Variants in NTNG2 observed in about 807,000 individuals in gnomAD.
The protein encoded by NTNG2 is netrin G2.
A neutral mutation model predicts 47.6 loss-of-function variants in NTNG2; 15 were observed. The observed-to-expected ratio is 0.32, with a 90% CI of 0.21 to 0.49. The LOEUF (loss-of-function observed/expected upper bound fraction) is 0.49. Ranked by LOEUF, NTNG2 falls within the 20% of genes least tolerant of loss-of-function variation. NTNG2 has a pLI of 0.99. For synonymous variants in NTNG2, 307 were observed against 324.6 expected (o/e 0.95, Z 0.58); for missense variants, 578 against 764.6 (o/e 0.76, Z 2.88).
intron 3 of NTNG2, among the ~76,000 whole-genome samples, chr9:132,200,135 G>C (rs902674535): frequency 6.6e-6 from 1 of 152,174 alleles, no homozygotes; most frequent in Non-Finnish European, 1.5e-5. Context: ...ACAGTGCCTG[G>C]CACATAATAC....
At position 132,215,580 on chromosome 9, in the gene NTNG2, A is replaced by C. The variant is rs1358884194; in HGVS notation, c.858-11269A>C. 3.9e-5 allele frequency among the ~76,000 whole-genome samples: 6 copies of C among 152,180 alleles called. No homozygotes were observed. Among genetic ancestry groups the C allele is most frequent in the Non-Finnish European group, 8.8e-5 (6 of 68,036 alleles). On this transcript the variant is annotated intron_variant, in intron 3 of 7. Coordinates refer to ENST00000393229, the MANE Select transcript of NTNG2 (RefSeq NM_032536.4). This position sits in a 1 kb window ranked among gnomAD's most constrained non-coding sequence, Gnocchi z 4.2. ...AGATGACAAAGCGAGATTCCATCTCAAAATAAGTAAATAAATAAAGGATAA... is the reference window on the plus strand; with the variant it reads ...AGATGACAAAGCGAGATTCCATCTCCAAATAAGTAAATAAATAAAGGATAA...
Position 132,231,157 on chromosome 9 carries a change from G to A in NTNG2, c.1054+562G>A. 1 of 381,226 alleles carries A rather than the reference G, an allele frequency of 2.6e-6. No individual in the cohort carries two copies. The allele number at this position is 381,226 out of a possible 1,614,324, so 23.6% of individuals were successfully genotyped here. A position where few individuals can be genotyped will look rare whatever the true frequency, so the allele number is the denominator to read the frequency against. ...GGTCCCAGGGGAGTCGGACCAGGGA[G>A]GGGCATCTGCAGGAGGTGGGGGTCC... On this transcript the variant is annotated intron_variant, in intron 5 of 7. Transcript: ENST00000393229. This position sits in a 1 kb window ranked among gnomAD's most constrained non-coding sequence, Gnocchi z 4.1.
rs535593595 is a variant in NTNG2 at position 132,198,604 on chromosome 9, C to A, written c.852C>A (p.Ile284=). ...YFYAISNIEV[I]GRCKCNLHAN... Reference sequence around the variant, plus strand: ...ACGCCATCTCCAACATCGAGGTCATCGGCAGGTAAGGCCGGGGGAAGCCCT... The same window carrying A: ...ACGCCATCTCCAACATCGAGGTCATAGGCAGGTAAGGCCGGGGGAAGCCCT... Residue 284 remains isoleucine (I), a synonymous_variant, in exon 3 of 8, where the codon ATC becomes ATA. Transcript: ENST00000393229. 1 of 1,605,844 alleles carries A rather than the reference C, an allele frequency of 6.2e-7. No individual in the cohort carries two copies.
chr9:132,189,068 C>CTTTTTTTTTTTTTTTTTTTTTT lies in NTNG2; in HGVS notation c.214-8892_214-8871dup, dbSNP rs749756559. ...TATGTGAAAAAGGCTTTAAGCCTTT[C>CTTTTTTTTTTTTTTTTTTTTTT]TTTTTTTTTTTTTTTTTTTTTTTTT... On this transcript the variant is annotated intron_variant, in intron 2 of 7. Coordinates refer to ENST00000393229, the MANE Select transcript of NTNG2 (RefSeq NM_032536.4). Among the ~76,000 whole-genome samples, 104 of 93,278 alleles carry CTTTTTTTTTTTTTTTTTTTTTT rather than the reference C, an allele frequency of 1.1e-3. 22 individuals are homozygous for CTTTTTTTTTTTTTTTTTTTTTT. The highest frequency in any genetic ancestry group is 0.013 in the Middle Eastern group (2 of 150). 61.2% of individuals were successfully genotyped at this position (93,278 alleles called of 152,430 possible). A position where few individuals can be genotyped will look rare whatever the true frequency, so the allele number is the denominator to read the frequency against.
Position 132,206,351 on chromosome 9 carries a change from G to A in NTNG2, c.857+7742G>A, listed in dbSNP as rs74311544. On this transcript the variant is annotated intron_variant, in intron 3 of 7. Coordinates refer to ENST00000393229, the MANE Select transcript of NTNG2 (RefSeq NM_032536.4). ...GGAGAGTCCCTGGAAAGGCAGCTTTGTGTTCTGCTTTTCATTTTTTAAACC... is the reference window on the plus strand; with the variant it reads ...GGAGAGTCCCTGGAAAGGCAGCTTTATGTTCTGCTTTTCATTTTTTAAACC... 6.4e-3 allele frequency among the ~76,000 whole-genome samples: 971 copies of A among 152,306 alleles called. 17 individuals are homozygous for A. In the East Asian group the frequency reaches 0.07, roughly 11 times the overall value.
chr9:132,241,335 G>T (rs1232897526), intron 7 of NTNG2: 5 of 488,508 alleles, frequency 1.0e-5, no homozygotes, highest in Admixed American at 3.9e-5. Context: ...GGCGGTGGAC[G>T]GGGCCTAGCG....
intron 7 of NTNG2, among the ~76,000 whole-genome samples, chr9:132,241,252 G>A (rs1356153424): frequency 2.6e-5 from 4 of 151,974 alleles, no homozygotes; most frequent in African/African-American, 9.7e-5. Context: ...CCGGGGCAGT[G>A]GGTGGGGCCT....
At chr9:132,167,294 T>C (rs1835564799) in intron 2 of NTNG2, among the ~76,000 whole-genome samples, 1 of 152,260 alleles carries the variant, frequency 6.6e-6, no homozygotes, top group African/African-American at 2.4e-5. Flanking sequence ...CTCGGCCAGC[T>C]GGCCACTAGT....
chr9:132,231,200 G>A lies in NTNG2; in HGVS notation c.1054+605G>A. ...GGGGGTCCTGAGAGTTCCCCAGGAG[G>A]GCGAGGGCGACATGGCGCCCACAGG... On this transcript the variant is annotated intron_variant, in intron 5 of 7. Coordinates refer to ENST00000393229, the MANE Select transcript of NTNG2 (RefSeq NM_032536.4). This position sits in a 1 kb window ranked among gnomAD's most constrained non-coding sequence, Gnocchi z 4.1. The A allele has an allele frequency of 2.4e-6, 1 of 415,322 alleles. No individual in the cohort carries two copies. Among genetic ancestry groups the A allele is most frequent in the South Asian group, 1.7e-5 (1 of 57,994 alleles). The allele number at this position is 415,322 out of a possible 1,614,324, so 25.7% of individuals were successfully genotyped here.
chr9:132,176,174 C>A (rs1358989537), intron 2 of NTNG2, among the ~76,000 whole-genome samples: 2 of 145,792 alleles, frequency 1.4e-5, no homozygotes, highest in Non-Finnish European at 3.0e-5. Context: ...TGTAGTGAGA[C>A]CCCATCTCTC....
rs1211412264 is a variant in NTNG2, at chr9:132,231,092, G to A, written c.1054+497G>A. ...AGCCTCCCTCTGGGCAGCCTCTGCAGCCAGCTTGTCCCAGGGCTCTGCTCG... is the reference window on the plus strand; with the variant it reads ...AGCCTCCCTCTGGGCAGCCTCTGCAACCAGCTTGTCCCAGGGCTCTGCTCG... On this transcript the variant is annotated intron_variant, in intron 5 of 7. Coordinates refer to ENST00000393229, the MANE Select transcript of NTNG2 (RefSeq NM_032536.4). The surrounding 1 kb of genome is among the most constrained non-coding windows in gnomAD (Gnocchi z 4.1). 1.3e-5 allele frequency among the ~76,000 whole-genome samples: 2 copies of A among 152,152 alleles called. No homozygotes were observed. The highest frequency in any genetic ancestry group is 4.8e-5 in the African/African-American group (2 of 41,430).
chr9:132,237,215 G>A (rs1841693412), intron 5 of NTNG2, among the ~76,000 whole-genome samples: 1 of 152,188 alleles, frequency 6.6e-6, no homozygotes, highest in Non-Finnish European at 1.5e-5. Context: ...GTTTCCTTCA[G>A]GAAGGGGCCC....
rs530955338 is a variant in NTNG2, at chr9:132,180,032, C to T, written c.213+12988C>T. Among the ~76,000 whole-genome samples, 3 of 152,144 alleles carry T rather than the reference C, an allele frequency of 2.0e-5. No individual in the cohort carries two copies. The highest frequency in any genetic ancestry group is 4.1e-4 in the South Asian group (2 of 4,824). On this transcript the variant is annotated intron_variant, in intron 2 of 7. Coordinates refer to ENST00000393229, the MANE Select transcript of NTNG2 (RefSeq NM_032536.4). This position sits in a 1 kb window ranked among gnomAD's most constrained non-coding sequence, Gnocchi z 4.2. Reference sequence around the variant, plus strand: ...GAACTGCCCACCCTGTGGAAAGGGACTCAGGCCTGTCTTCAAGGACCTGGC... The same window carrying T: ...GAACTGCCCACCCTGTGGAAAGGGATTCAGGCCTGTCTTCAAGGACCTGGC...
At chr9:132,239,554 C>T (rs1424883449) in intron 6 of NTNG2, among the ~76,000 whole-genome samples, 2 of 152,234 alleles carry the variant, frequency 1.3e-5, no homozygotes, top group Non-Finnish European at 2.9e-5. Flanking sequence ...GACACTGACC[C>T]TTCCTGGCTC....
intron 2 of NTNG2, among the ~76,000 whole-genome samples, chr9:132,186,371 A>G (rs1837386259): frequency 6.6e-6 from 1 of 152,348 alleles, no homozygotes; most frequent in East Asian, 1.9e-4. Context: ...GCCCAGGGCA[A>G]AGCAGAATGT....
At chr9:132,185,963 G>A (rs543786832) in intron 2 of NTNG2, among the ~76,000 whole-genome samples, 69 of 152,240 alleles carry the variant, frequency 4.5e-4, no homozygotes, top group African/African-American at 1.6e-3. Context: ...GAGGATCACT[G>A]AGCTCCTGGT....
intron 3 of NTNG2, among the ~76,000 whole-genome samples, chr9:132,211,593 C>G (rs1839592800): frequency 6.6e-6 from 1 of 152,124 alleles, no homozygotes; most frequent in Non-Finnish European, 1.5e-5. Context: ...GGGGCTAGTC[C>G]TTCTGCCTGG....
intron 2 of NTNG2, among the ~76,000 whole-genome samples, chr9:132,168,920 C>T (rs1368462099): frequency 2.0e-5 from 3 of 152,142 alleles, no homozygotes; most frequent in African/African-American, 7.2e-5. Context: ...AGTCCGAGGC[C>T]CTCTCCTTGC....
Position 132,239,219 on chromosome 9 carries a change from G to T in NTNG2, c.1170G>T (p.Leu390=). 1 of 1,613,802 alleles carries T rather than the reference G, an allele frequency of 6.2e-7. No individual in the cohort carries two copies. The highest frequency in any genetic ancestry group is 8.5e-7 in the Non-Finnish European group (1 of 1,180,030). Residue 390 remains leucine, a synonymous_variant, in exon 6 of 8, where the codon CTG becomes CTT. Transcript: ENST00000393229. ...TRGQHCQHCR[L]GYYRNGSAEL... ...GTCAGCACTGCCAGCACTGCCGGCT[G>T]GGCTACTACCGCAACGGCTCGGCAG...
Sources: allele counts gnomAD v4.1 joint callset (sites outside exome capture counted in the v4.1 genomes callset), GRCh38; gene constraint gnomAD v4.1.1; non-coding constraint Gnocchi (gnomAD v3.1); transcripts MANE v1.5; gene names NCBI Gene and HGNC (gene_info 2026-07-23, HGNC 2026-07-21).